Variants in RASGEF1C observed in about 807,000 individuals in gnomAD.
RASGEF1C encodes the protein RasGEF domain family member 1C.
In RASGEF1C, 27 loss-of-function variants were observed where a neutral mutation model predicts 58.1. The ratio of observed to expected loss-of-function variants is 0.46; its 90% CI spans 0.34 to 0.64. RASGEF1C has a LOEUF of 0.64. RASGEF1C is among the 30% of genes least tolerant of loss of function. RASGEF1C has a pLI of 0.01. For missense variants in RASGEF1C, 502 were observed against 605.1 expected (o/e 0.83, Z 1.79); for synonymous variants, 243 against 246.3 (o/e 0.99, Z 0.13).
rs187594627 is a variant in RASGEF1C at position 180,195,687 on chromosome 5, G to A, written c.-7+13341C>T. ...TGAGGCAGGAGAATGGCGTGAACCC[G>A]GGAGGCGGAGCTTGCAGTGAGCCGA... On this transcript the variant is annotated intron_variant, in intron 1 of 13. Transcript: ENST00000361132. Among the ~76,000 whole-genome samples, 789 of 151,568 alleles carry A rather than the reference G, an allele frequency of 5.2e-3. 8 individuals are homozygous for A. The highest frequency in any genetic ancestry group is 0.018 in the African/African-American group (736 of 41,292).
chr5:180,190,329 C>CAA (rs1472407556), intron 1 of RASGEF1C, among the ~76,000 whole-genome samples: 3 of 151,098 alleles, frequency 2.0e-5, no homozygotes, highest in Non-Finnish European at 4.4e-5. Flanking sequence ...CTACTAAAAA[C>CAA]AAAACAAAAA....
chr5:180,103,285 G>A (rs143021689), intron 12 of RASGEF1C, among the ~76,000 whole-genome samples: 5,914 of 152,244 alleles, frequency 0.039, 366 homozygotes, highest in African/African-American at 0.13. Context: ...CACCGTGTTA[G>A]CCAGGATGGT....
In RASGEF1C at chr5:180,118,852, T is replaced by G. The variant is rs751308865; in HGVS notation, c.922A>C (p.Ser308Arg). 1 of 1,614,174 alleles carries G rather than the reference T, an allele frequency of 6.2e-7. No homozygotes were observed. Among genetic ancestry groups the G allele is most frequent in the East Asian group, 2.2e-5 (1 of 44,882 alleles). Residue 308 changes from serine to arginine, a missense_variant, in exon 9 of 14, where the codon AGC (serine) becomes CGC (arginine). Transcript: ENST00000361132. ...LMAIISGMNM[S>R]PVSRLKKTWA... ...GTCTTCTTCAGCCTGGAGACAGGGC[T>G]CATGTTCATGCCGGCTGGAAGAGGG...
At chr5:180,105,455 G>A (rs917665123) in intron 12 of RASGEF1C, among the ~76,000 whole-genome samples, 136 of 152,134 alleles carry the variant, frequency 8.9e-4, no homozygotes, top group African/African-American at 3.1e-3. Flanking sequence ...CCAGCTACTC[G>A]GGAGGCTGAG....
chr5:180,207,514 G>A (rs1461556663), intron 1 of RASGEF1C, among the ~76,000 whole-genome samples: 2 of 152,162 alleles, frequency 1.3e-5, no homozygotes, highest in Non-Finnish European at 2.9e-5. Context: ...TGGCAGGAGG[G>A]TGCAGACCCC....
intron 4 of RASGEF1C, 33 bp from the exon 5 acceptor site, chr5:180,128,643 A>C: frequency 3.7e-6 from 6 of 1,601,916 alleles, no homozygotes; most frequent in Non-Finnish European, 5.1e-6. Flanking sequence ...CTCAGGACTG[A>C]ACACTCATCT....
intron 1 of RASGEF1C, among the ~76,000 whole-genome samples, chr5:180,167,940 C>T (rs1767045430): frequency 6.6e-6 from 1 of 152,208 alleles, no homozygotes; most frequent in Non-Finnish European, 1.5e-5. Context: ...TCCACGTAAG[C>T]TCTGTTTTCA....
chr5:180,118,498 T>C lies in RASGEF1C; in HGVS notation c.1083+111A>G, dbSNP rs1403831603. The stretch of plus-strand genomic sequence containing the variant: ...CTGGAGGCACGCAAGCAAGGAGACC[T>C]GGCTGTCTATTACTGATGCTGCAGG... On this transcript the variant is annotated intron_variant, in intron 10 of 13. Coordinates refer to ENST00000361132, the MANE Select transcript of RASGEF1C (RefSeq NM_175062.4). 7 of 1,013,890 alleles carry C rather than the reference T, an allele frequency of 6.9e-6. No individual in the cohort carries two copies. The East Asian group carries it at 1.5e-4, about 21-fold the overall frequency. The allele number at this position is 1,013,890 out of a possible 1,614,324, so 62.8% of individuals were successfully genotyped here. A position where few individuals can be genotyped will look rare whatever the true frequency, so the allele number is the denominator to read the frequency against.
chr5:180,158,798 T>C lies in RASGEF1C; in HGVS notation c.-6-20740A>G, dbSNP rs1289058673. On this transcript the variant is annotated intron_variant, in intron 1 of 13. Coordinates refer to ENST00000361132, the MANE Select transcript of RASGEF1C (RefSeq NM_175062.4). This position sits in a 1 kb window ranked among gnomAD's most constrained non-coding sequence, Gnocchi z 4.0. ...TCTCACGGGCTGGAATCTCGTGCCC[T>C]TCAGTGCTGGAAAACTTTCTTAAAT... Among the ~76,000 whole-genome samples, 1 of 152,156 alleles carries C rather than the reference T, an allele frequency of 6.6e-6. No individual in the cohort carries two copies. Among genetic ancestry groups the C allele is most frequent in the Admixed American group, 6.5e-5 (1 of 15,280 alleles).
At chr5:180,105,967 A>G (rs755471048) in intron 12 of RASGEF1C, among the ~76,000 whole-genome samples, 1 of 152,216 alleles carries the variant, frequency 6.6e-6, no homozygotes, top group Admixed American at 6.5e-5. Flanking sequence ...ACTGATAGGC[A>G]GCATAAACAC....
In RASGEF1C at chr5:180,143,539, G is replaced by A. The variant is rs924512513; in HGVS notation, c.-6-5481C>T. The stretch of plus-strand genomic sequence containing the variant: ...GCGTGGGGCTGGCAGAAGGTGGGCC[G>A]GCTGTACCAGTGAAAACCCACAAGC... On this transcript the variant is annotated intron_variant, in intron 1 of 13. Coordinates refer to ENST00000361132, the MANE Select transcript of RASGEF1C (RefSeq NM_175062.4). This position sits in a 1 kb window ranked among gnomAD's most constrained non-coding sequence, Gnocchi z 4.3. Among the ~76,000 whole-genome samples the A allele has an allele frequency of 5.3e-5, 8 of 152,212 alleles. No homozygotes were observed. Among genetic ancestry groups the A allele is most frequent in the South Asian group, 2.1e-4 (1 of 4,828 alleles).
At position 180,101,354 on chromosome 5, in the gene RASGEF1C, G is replaced by GT; in HGVS notation, c.*146_*147insA. ...TCCTGTGCCCGTATGGCCACTGTGGGGGGGGGGGGGGCGGGCAGCAGGCCA... is the reference window on the plus strand; with the variant it reads ...TCCTGTGCCCGTATGGCCACTGTGGGTGGGGGGGGGGGCGGGCAGCAGGCCA... On this transcript the variant is annotated 3_prime_UTR_variant, in exon 14 of 14. Coordinates refer to ENST00000361132, the MANE Select transcript of RASGEF1C (RefSeq NM_175062.4). The GT allele has an allele frequency of 4.1e-6, 2 of 492,460 alleles. No individual in the cohort carries two copies. The highest frequency in any genetic ancestry group is 3.8e-5 in the Admixed American group (1 of 26,476). 30.5% of individuals were successfully genotyped at this position (492,460 alleles called of 1,614,324 possible). A position where few individuals can be genotyped will look rare whatever the true frequency, so the allele number is the denominator to read the frequency against.
chr5:180,148,752 A>C (rs1384933184), intron 1 of RASGEF1C, among the ~76,000 whole-genome samples: 7 of 152,234 alleles, frequency 4.6e-5, no homozygotes, highest in Admixed American at 3.3e-4. Context: ...AGAGTTACAA[A>C]TCAGTTATCA....
intron 4 of RASGEF1C, among the ~76,000 whole-genome samples, chr5:180,132,131 T>C (rs4516815): frequency 0.92 from 140,231 of 152,262 alleles, 64,632 homozygotes; most frequent in East Asian, 1. Context: ...CGTGGGTCCA[T>C]GTTTATGAAG....
At chr5:180,162,739 A>G (rs1389640019) in intron 1 of RASGEF1C, among the ~76,000 whole-genome samples, 2 of 152,204 alleles carry the variant, frequency 1.3e-5, no homozygotes, top group Non-Finnish European at 2.9e-5. Flanking sequence ...TTTTAGAATT[A>G]CTTTATATAT....
intron 11 of RASGEF1C, among the ~76,000 whole-genome samples, chr5:180,112,546 C>T (rs4700872): frequency 0.23 from 34,810 of 152,172 alleles, 5,008 homozygotes; most frequent in East Asian, 0.48. Context: ...CCAGGACTTA[C>T]GGCTCCTTGG....
At position 180,113,193 on chromosome 5, in the gene RASGEF1C, AGGATGGACAGAGGGACCGG is replaced by A. The variant is rs1561731025; in HGVS notation, c.1179+1234_1179+1252del. ...GGACCGGGGATGGACGGAGGGATCC[AGGATGGACAGAGGGACCGG>A]GGATGGACGGAGGGACAGGGGATGG... On this transcript the variant is annotated intron_variant, in intron 11 of 13. Transcript: ENST00000361132. Among the ~76,000 whole-genome samples, 95 of 41,376 alleles carry A rather than the reference AGGATGGACAGAGGGACCGG, an allele frequency of 2.3e-3. 22 individuals are homozygous for A. Among genetic ancestry groups the A allele is most frequent in the African/African-American group, 5.9e-3 (70 of 11,956 alleles). 27.1% of individuals were successfully genotyped at this position (41,376 alleles called of 152,430 possible). A position where few individuals can be genotyped will look rare whatever the true frequency, so the allele number is the denominator to read the frequency against.
intron 5 of RASGEF1C, among the ~76,000 whole-genome samples, chr5:180,127,921 G>T (rs982693010): frequency 5.6e-4 from 85 of 152,192 alleles, no homozygotes; most frequent in Admixed American, 5.5e-3. Flanking sequence ...GCTATGAGGC[G>T]TGACGCCCAG....
intron 4 of RASGEF1C, among the ~76,000 whole-genome samples, chr5:180,135,029 C>CCT (rs145248998): frequency 0.051 from 6,915 of 134,316 alleles, 298 homozygotes; most frequent in East Asian, 0.12. Context: ...CACCCCATCC[C>CCT]GTTTCCGCTG....
Sources: gnomAD v4.1 joint callset for allele counts (sites outside exome capture counted in the v4.1 genomes callset) on GRCh38, gnomAD v4.1.1 for gene constraint, Gnocchi (gnomAD v3.1) non-coding constraint, MANE v1.5 for transcripts, NCBI Gene and HGNC (gene_info 2026-07-23, HGNC 2026-07-21) for gene names.